Variants in YTHDF3 observed in about 807,000 individuals in gnomAD.
The protein encoded by YTHDF3 is YTH domain-containing family protein 3.
YTHDF3 carries 9 observed loss-of-function variants against 52.5 expected under a neutral mutation model. That is an observed-to-expected ratio of 0.17 (90% CI 0.10 to 0.30). YTHDF3 has a LOEUF of 0.30. Among genes scored for constraint, YTHDF3 ranks in the 10% least tolerant of loss-of-function variants. The pLI is 1.00. For missense variants in YTHDF3, 534 were observed against 715.0 expected, an observed-to-expected ratio of 0.75 and a Z score of 2.89; for synonymous variants, 274 against 243.3, an observed-to-expected ratio of 1.13 and a Z score of -1.18.
chr8:63,169,620 C>T (rs945408793), intron 2 of YTHDF3: 5 of 574,932 alleles, frequency 8.7e-6, no homozygotes, highest in African/African-American at 5.6e-5. Context: ...CAAAGTAGTA[C>T]GAGAAACAGT....
chr8:63,187,349 G>A lies in YTHDF3; in HGVS notation c.1338G>A (p.Lys446=), dbSNP rs1808590663. 1.2e-6 allele frequency: 2 copies of A among 1,613,920 alleles called. No individual in the cohort carries two copies. Among genetic ancestry groups the A allele is most frequent in the Admixed American group, 1.7e-5 (1 of 60,004 alleles). The change falls in exon 4 of 5, where the codon AAG becomes AAA. Residue 446 remains lysine (K), a synonymous_variant. Coordinates refer to ENST00000539294, the MANE Select transcript of YTHDF3 (RefSeq NM_152758.6). ...SIWCSTEHGN[K]RLDAAYRSLN... Reference sequence around the variant, plus strand: ...GGTGTAGTACTGAGCATGGTAATAAGCGTTTGGATGCAGCTTACCGTTCCC... The same window carrying A: ...GGTGTAGTACTGAGCATGGTAATAAACGTTTGGATGCAGCTTACCGTTCCC...
intron 4 of YTHDF3, among the ~76,000 whole-genome samples, chr8:63,193,107 C>T (rs1171111516): frequency 6.6e-6 from 1 of 152,076 alleles, no homozygotes; most frequent in Non-Finnish European, 1.5e-5. Flanking sequence ...GGCATGGTGG[C>T]TCACATGTGT....
rs1280252277 is a variant in YTHDF3, at chr8:63,209,993, A to G, written c.*287A>G. The G allele has an allele frequency of 3.1e-6, 1 of 318,078 alleles. No individual in the cohort carries two copies. The highest frequency in any genetic ancestry group is 5.7e-6 in the Non-Finnish European group (1 of 174,022). 19.7% of individuals were successfully genotyped at this position (318,078 alleles called of 1,614,324 possible). ...TTATGCATCCTAGCTAAGGCACAGA[A>G]GACTGAATGAATGCAAGGATTCATT... On this transcript the variant is annotated 3_prime_UTR_variant, in exon 5 of 5. Transcript: ENST00000539294.
chr8:63,195,003 A>C (rs1352486996), intron 4 of YTHDF3, among the ~76,000 whole-genome samples: 1 of 152,172 alleles, frequency 6.6e-6, no homozygotes, highest in Non-Finnish European at 1.5e-5. Flanking sequence ...TCATTGCTAG[A>C]TATTTTTTAT....
rs149557117 is a variant in YTHDF3, at chr8:63,210,543, A to G, written c.*837A>G. 2.0e-5 allele frequency: 3 copies of G among 152,674 alleles called. No individual in the cohort carries two copies. Among genetic ancestry groups the G allele is most frequent in the Admixed American group, 1.3e-4 (2 of 15,292 alleles). The allele number at this position is 152,674 out of a possible 1,614,324, so 9.5% of individuals were successfully genotyped here. On this transcript the variant is annotated 3_prime_UTR_variant, in exon 5 of 5. Coordinates refer to ENST00000539294, the MANE Select transcript of YTHDF3 (RefSeq NM_152758.6). ...ACTACATTTAAAACCCTTAATTCCTATTTCTGGGTGTTTGCGAGCCTGATT... is the reference window on the plus strand; with the variant it reads ...ACTACATTTAAAACCCTTAATTCCTGTTTCTGGGTGTTTGCGAGCCTGATT...
intron 4 of YTHDF3, among the ~76,000 whole-genome samples, chr8:63,199,354 G>A (rs1035112503): frequency 2.3e-4 from 35 of 152,100 alleles, no homozygotes; most frequent in African/African-American, 5.8e-4. Flanking sequence ...TTCTGCAGTC[G>A]CTTCTCCCTC....
chr8:63,175,150 G>C (rs1476318471), intron 2 of YTHDF3, among the ~76,000 whole-genome samples, 181 bp from the exon 3 acceptor site: 1 of 152,078 alleles, frequency 6.6e-6, no homozygotes, highest in Admixed American at 6.5e-5. Flanking sequence ...AGACTTTTAA[G>C]TTTTTGTGGC....
At chr8:63,168,998 G>T in intron 1 of YTHDF3, 97 bp downstream of exon 1, 4 of 1,501,850 alleles carry the variant, frequency 2.7e-6, no homozygotes, top group Non-Finnish European at 3.5e-6. Flanking sequence ...GCCGCTGCCG[G>T]CCCCATAACG....
rs79612026 is a variant in YTHDF3 at position 63,198,949 on chromosome 8, T to C, written c.1735-10734T>C. Among the ~76,000 whole-genome samples the C allele has an allele frequency of 2.6e-3, 392 of 152,254 alleles. 5 individuals are homozygous for C. In the East Asian group the frequency reaches 0.065, roughly 25 times the overall value. On this transcript the variant is annotated intron_variant, in intron 4 of 4. Transcript: ENST00000539294. ...GTAACACATTTGATACAATAAACTT[T>C]TATGTAACATATTTAATTAAATAAT...
chr8:63,186,263 G>C lies in YTHDF3; in HGVS notation c.252G>C (p.Met84Ile), dbSNP rs1808494431. 6.2e-7 allele frequency: 1 copy of C among 1,613,884 alleles called. No homozygotes were observed. ...AAWSTAGDQP[M>I]PYLTTYGQMS... ...GGTCCACAGCTGGAGACCAGCCTAT[G>C]CCATATCTGACAACCTATGGACAAA... The change falls in exon 4 of 5, where the codon ATG becomes ATC. Residue 84 changes from methionine to isoleucine, a missense_variant. Physicochemically the swap from Met to Ile is conservative, Grantham distance 10 (BLOSUM62 1). Transcript: ENST00000539294.
At chr8:63,176,577 G>C (rs1410011726) in intron 3 of YTHDF3, among the ~76,000 whole-genome samples, 2 of 152,048 alleles carry the variant, frequency 1.3e-5, no homozygotes, top group African/African-American at 4.8e-5. Flanking sequence ...ACTGGGCCCA[G>C]CCCACCTCTG....
chr8:63,208,569 A>C (rs1384181786), intron 4 of YTHDF3, among the ~76,000 whole-genome samples: 1 of 152,198 alleles, frequency 6.6e-6, no homozygotes, highest in Non-Finnish European at 1.5e-5. Flanking sequence ...TGGGGCCCAG[A>C]CATGCCATCC....
rs530122562 is a variant in YTHDF3, at chr8:63,193,355, G to T, written c.1734+5610G>T. Among the ~76,000 whole-genome samples, 11 of 126,704 alleles carry T rather than the reference G, an allele frequency of 8.7e-5. No individual in the cohort carries two copies. The East Asian group carries it at 2.6e-3, about 30-fold the overall frequency. 83.1% of individuals were successfully genotyped at this position (126,704 alleles called of 152,430 possible). A position where few individuals can be genotyped will look rare whatever the true frequency, so the allele number is the denominator to read the frequency against. ...TGCACCACTCCACTCCAGCCTGGGT[G>T]ACAGAGCTAGACTCCGTCCAAAAAA... is the stretch of plus-strand genomic sequence containing the variant. On this transcript the variant is annotated intron_variant, in intron 4 of 4. Coordinates refer to ENST00000539294, the MANE Select transcript of YTHDF3 (RefSeq NM_152758.6).
At chr8:63,184,826 A>G (rs2130073636) in intron 3 of YTHDF3, among the ~76,000 whole-genome samples, 1 of 152,326 alleles carries the variant, frequency 6.6e-6, no homozygotes, top group South Asian at 2.1e-4. Flanking sequence ...ATAATTCTAC[A>G]AATTGTGAAG....
rs370230689 is a variant in YTHDF3 at position 63,168,937 on chromosome 8, C to G, written c.24+36C>G. 240 of 1,547,750 alleles carry G rather than the reference C, an allele frequency of 1.6e-4. 1 individual carries two copies. Among genetic ancestry groups the G allele is most frequent in the Non-Finnish European group, 1.9e-4 (220 of 1,145,782 alleles). On this transcript the variant is annotated intron_variant, in intron 1 of 4. Coordinates refer to ENST00000539294, the MANE Select transcript of YTHDF3 (RefSeq NM_152758.6). ...AGAGGCCCCAGGCTTGGCGAAGGCC[C>G]GAGCCCCGGAGCTCCACCCTCGCGC...
intron 2 of YTHDF3, among the ~76,000 whole-genome samples, chr8:63,170,850 CA>C (rs1221968532): frequency 6.6e-6 from 1 of 152,030 alleles, no homozygotes; most frequent in African/African-American, 2.4e-5. Flanking sequence ...TTTGTTAAAA[CA>C]AAATAGAGCC....
intron 4 of YTHDF3, among the ~76,000 whole-genome samples, chr8:63,201,434 A>G (rs1449697202): frequency 6.6e-6 from 1 of 152,208 alleles, no homozygotes; most frequent in Non-Finnish European, 1.5e-5. Context: ...ATGCCAGTAA[A>G]ACCTTTATTT....
chr8:63,211,216 T>C lies in YTHDF3; in HGVS notation c.*1510T>C, dbSNP rs1357635071. 1.3e-5 allele frequency: 2 copies of C among 152,570 alleles called. No individual in the cohort carries two copies. Among genetic ancestry groups the C allele is most frequent in the South Asian group, 2.1e-4 (1 of 4,828 alleles). 9.5% of individuals were successfully genotyped at this position (152,570 alleles called of 1,614,324 possible). On this transcript the variant is annotated 3_prime_UTR_variant, in exon 5 of 5. Coordinates refer to ENST00000539294, the MANE Select transcript of YTHDF3 (RefSeq NM_152758.6). ...ATGTTTTTTTTAAATGTGCAAATAC[T>C]GTATTCAAGTGAAAAAAATACAGTA...
intron 4 of YTHDF3, among the ~76,000 whole-genome samples, chr8:63,198,354 C>G (rs1196798078): frequency 6.6e-6 from 1 of 152,158 alleles, no homozygotes; most frequent in East Asian, 1.9e-4. Flanking sequence ...GCAGTCTCCA[C>G]CTTCGGGATT....
Sources: allele counts gnomAD v4.1 joint callset (sites outside exome capture counted in the v4.1 genomes callset), GRCh38; gene constraint gnomAD v4.1.1; transcripts MANE v1.5; gene names NCBI Gene and HGNC (gene_info 2026-07-23, HGNC 2026-07-21).